PLEKHA5: variants seen among roughly 807,000 people sequenced by gnomAD.
PLEKHA5 encodes the protein pleckstrin homology domain-containing family A member 5.
Under a neutral mutation model 181.9 loss-of-function variants are expected in PLEKHA5, and 55 were observed. The ratio of observed to expected loss-of-function variants is 0.30; its 90% CI spans 0.24 to 0.38. PLEKHA5 has a LOEUF of 0.38. Among genes scored for constraint, PLEKHA5 ranks in the 10% least tolerant of loss-of-function variants. The probability of loss-of-function intolerance (pLI) is 1.00; values close to 1 mark genes in which losing one functional copy is unlikely to be tolerated. For synonymous variants in PLEKHA5, 535 were observed against 529.4 expected, an observed-to-expected ratio of 1.01 and a Z score of -0.15; for missense variants, 1,432 against 1,549.5, an observed-to-expected ratio of 0.92 and a Z score of 1.27.
intron 15 of PLEKHA5, among the ~76,000 whole-genome samples, chr12:19,296,021 C>G (rs1179717392): frequency 6.6e-6 from 1 of 152,090 alleles, no homozygotes; most frequent in African/African-American, 2.4e-5. Flanking sequence ...CACCTGAGGG[C>G]AGGAGTTCGA....
intron 30 of PLEKHA5, 133 bp downstream of exon 30, chr12:19,366,242 C>A (rs1204414188): frequency 1.4e-6 from 1 of 695,090 alleles, no homozygotes; most frequent in South Asian, 1.8e-5. Flanking sequence ...TTTGCCTCCC[C>A]AAGTGTACCT....
intron 3 of PLEKHA5, among the ~76,000 whole-genome samples, chr12:19,163,030 T>G (rs1338395532): frequency 6.6e-6 from 1 of 152,196 alleles, no homozygotes; most frequent in East Asian, 1.9e-4. Flanking sequence ...TTTTTATATA[T>G]TGTCTCCTTT....
At chr12:19,278,955 T>G (rs2075348140) in intron 11 of PLEKHA5, among the ~76,000 whole-genome samples, 1 of 152,036 alleles carries the variant, frequency 6.6e-6, no homozygotes. Flanking sequence ...GAAATTTAGT[T>G]TAGGAGAAAC....
chr12:19,148,480 C>T (rs906593925), intron 3 of PLEKHA5, among the ~76,000 whole-genome samples: 1 of 152,332 alleles, frequency 6.6e-6, no homozygotes, highest in Non-Finnish European at 1.5e-5. Flanking sequence ...GAACACACTA[C>T]GTGTGGGCGA....
intron 3 of PLEKHA5, chr12:19,200,690 A>C (rs1376834284): frequency 2.0e-6 from 2 of 1,014,924 alleles, no homozygotes; most frequent in Non-Finnish European, 2.4e-6. Context: ...CTTGCTTGCT[A>C]TTTCTGCTTT....
intron 20 of PLEKHA5, among the ~76,000 whole-genome samples, chr12:19,324,575 A>G (rs1017112296): frequency 3.3e-5 from 5 of 152,212 alleles, no homozygotes; most frequent in East Asian, 1.9e-4. Context: ...TTTCTGTAAT[A>G]TAGTCATAAA....
At chr12:19,162,467 A>G (rs570542701) in intron 3 of PLEKHA5, among the ~76,000 whole-genome samples, 2 of 152,180 alleles carry the variant, frequency 1.3e-5, no homozygotes, top group Admixed American at 6.5e-5. Context: ...TCTCTATTTT[A>G]TGGATAGCAT....
chr12:19,311,450 T>TAAA (rs530115682), intron 15 of PLEKHA5, among the ~76,000 whole-genome samples: 13 of 131,418 alleles, frequency 9.9e-5, no homozygotes, highest in South Asian at 5.0e-4. Context: ...CTCGAAAAAT[T>TAAA]AAAAAAAAAA....
intron 2 of PLEKHA5, 69 bp from the exon 3 acceptor site, chr12:19,132,324 T>C (rs879504666): frequency 1.1e-4 from 89 of 815,582 alleles, no homozygotes; most frequent in Non-Finnish European, 1.8e-4. Flanking sequence ...AAATGGATAA[T>C]TAAAATGGAT....
intron 3 of PLEKHA5, among the ~76,000 whole-genome samples, chr12:19,187,179 A>G (rs79784425): frequency 6.2e-4 from 95 of 152,250 alleles, no homozygotes; most frequent in Non-Finnish European, 1.0e-3. Context: ...CGCTTTTGCT[A>G]TGTCTAGATC....
At chr12:19,244,323 C>G (rs546448627) in intron 3 of PLEKHA5, among the ~76,000 whole-genome samples, 38 of 151,412 alleles carry the variant, frequency 2.5e-4, no homozygotes, top group African/African-American at 9.2e-4. Flanking sequence ...TTATGGTACT[C>G]TTTTTGGTTT....
intron 3 of PLEKHA5, chr12:19,207,462 A>G (rs961598724): frequency 5.3e-5 from 8 of 152,148 alleles, no homozygotes; most frequent in Admixed American, 2.6e-4. Flanking sequence ...TTGATTTCCA[A>G]ATCATTACAT....
intron 15 of PLEKHA5, among the ~76,000 whole-genome samples, chr12:19,302,663 C>G (rs1466534689): frequency 6.6e-6 from 1 of 151,992 alleles, no homozygotes; most frequent in Non-Finnish European, 1.5e-5. Context: ...TCCCAAAGTG[C>G]TGCCGTTACA....
chr12:19,204,841 T>C (rs1458162369), intron 3 of PLEKHA5, among the ~76,000 whole-genome samples: 1 of 152,152 alleles, frequency 6.6e-6, no homozygotes, highest in Non-Finnish European at 1.5e-5. Context: ...AGTTTTCAGA[T>C]TGTTTTACTT....
intron 3 of PLEKHA5, among the ~76,000 whole-genome samples, chr12:19,145,326 C>T (rs149840716): frequency 3.0e-4 from 45 of 152,102 alleles, no homozygotes; most frequent in African/African-American, 8.2e-4. Flanking sequence ...CTCTGCCTTC[C>T]AAGAGGACTT....
chr12:19,214,957 C>G (rs1259892406), intron 3 of PLEKHA5, among the ~76,000 whole-genome samples: 1 of 152,086 alleles, frequency 6.6e-6, no homozygotes, highest in South Asian at 2.1e-4. Flanking sequence ...GTGGGCGGAT[C>G]ACCTGAGGTC....
intron 15 of PLEKHA5, among the ~76,000 whole-genome samples, chr12:19,304,837 G>C (rs144919065): frequency 0.018 from 2,699 of 151,850 alleles, 71 homozygotes; most frequent in African/African-American, 0.06. Flanking sequence ...CCTCATGCCT[G>C]TAATCCTACC....
intron 8 of PLEKHA5, among the ~76,000 whole-genome samples, chr12:19,266,520 ATG>A (rs2070466062): frequency 6.6e-6 from 1 of 152,060 alleles, no homozygotes; most frequent in Non-Finnish European, 1.5e-5. Flanking sequence ...ACAGTGGCTC[ATG>A]CCTGTTATCC....
chr12:19,251,235 T>C (rs1228465397), intron 3 of PLEKHA5, among the ~76,000 whole-genome samples: 2 of 151,732 alleles, frequency 1.3e-5, no homozygotes, highest in Non-Finnish European at 2.9e-5. Flanking sequence ...CAAAACCCCA[T>C]CTCTACTAAA....
Sources: gnomAD v4.1 joint callset for allele counts (sites outside exome capture counted in the v4.1 genomes callset) on GRCh38, gnomAD v4.1.1 for gene constraint, MANE v1.5 for transcripts, NCBI Gene and HGNC (gene_info 2026-07-23, HGNC 2026-07-21) for gene names.